Variants in OSCP1 observed in about 807,000 individuals in gnomAD.
OSCP1 encodes protein OSCP1.
In OSCP1, 35 loss-of-function variants were observed where a neutral mutation model predicts 45.1. That is an observed-to-expected ratio of 0.78 (90% CI 0.59 to 1.03). The LOEUF is 1.03. OSCP1 is among the 50% of genes least tolerant of loss of function. The probability of loss-of-function intolerance (pLI) is 0.00; values close to 1 mark genes in which losing one functional copy is unlikely to be tolerated. For missense variants in OSCP1, 400 were observed against 470.7 expected (o/e 0.85, Z 1.39); for synonymous variants, 179 against 180.1 (o/e 0.99, Z 0.05).
Position 36,418,990 on chromosome 1 carries a change from C to A in OSCP1, c.1023+1G>T. 1 of 1,601,844 alleles carries A rather than the reference C, an allele frequency of 6.2e-7. No individual in the cohort carries two copies. The highest frequency in any genetic ancestry group is 8.6e-7 in the Non-Finnish European group (1 of 1,169,190). On this transcript the variant is annotated splice_donor_variant, in intron 9 of 9. Coordinates refer to ENST00000235532, the MANE Select transcript of OSCP1 (RefSeq NM_145047.5). LOFTEE classifies it high-confidence loss of function. ...GACCCTGTGTTATCCCCTGTACGTACCTGGGTGGCTTGTATGTTGATAACT... is the reference window on the plus strand; with the variant it reads ...GACCCTGTGTTATCCCCTGTACGTAACTGGGTGGCTTGTATGTTGATAACT...
At chr1:36,421,915 C>T (rs1173494177) in intron 7 of OSCP1, 1 of 572,600 alleles carries the variant, frequency 1.7e-6, no homozygotes, top group Non-Finnish European at 3.1e-6. Context: ...TGTGGTTCCT[C>T]TTAATTATGG....
At chr1:36,438,253 G>A (rs951206353) in intron 2 of OSCP1, among the ~76,000 whole-genome samples, 2 of 143,990 alleles carry the variant, frequency 1.4e-5, no homozygotes, top group African/African-American at 5.2e-5. Flanking sequence ...GGAGGCGGAC[G>A]TTGTGGTGAG....
intron 2 of OSCP1, among the ~76,000 whole-genome samples, chr1:36,434,190 TAAAC>T (rs987796410): frequency 2.0e-5 from 3 of 152,158 alleles, no homozygotes; most frequent in African/African-American, 7.2e-5. Flanking sequence ...ATTGAAACGA[TAAAC>T]AACTACCATC....
chr1:36,428,538 T>C, intron 4 of OSCP1: 3 of 1,514,080 alleles, frequency 2.0e-6, no homozygotes, highest in Non-Finnish European at 1.8e-6. Context: ...CCAACAAAAT[T>C]AGGTATTATA....
Position 36,450,420 on chromosome 1 carries a change from G to C in OSCP1, c.-51C>G. 1 of 1,478,784 alleles carries C rather than the reference G, an allele frequency of 6.8e-7. No homozygotes were observed. Among genetic ancestry groups the C allele is most frequent in the Non-Finnish European group, 9.4e-7 (1 of 1,059,512 alleles). 91.6% of individuals were successfully genotyped at this position (1,478,784 alleles called of 1,614,324 possible). ...GAAGAGCCCCGGGGTTCGGTAGCCA[G>C]TGGCCTGAAGGCCAGGCCGCAGCGT... On this transcript the variant is annotated 5_prime_UTR_variant, in exon 1 of 10. Coordinates refer to ENST00000235532, the MANE Select transcript of OSCP1 (RefSeq NM_145047.5).
chr1:36,442,079 T>C (rs1398794110), intron 1 of OSCP1, among the ~76,000 whole-genome samples: 1 of 151,894 alleles, frequency 6.6e-6, no homozygotes, highest in East Asian at 1.9e-4. Flanking sequence ...AATACAAAAT[T>C]AGCCAGGCGT....
chr1:36,419,716 T>A (rs1276404012), intron 8 of OSCP1, among the ~76,000 whole-genome samples: 3 of 152,200 alleles, frequency 2.0e-5, no homozygotes, highest in Non-Finnish European at 4.4e-5. Flanking sequence ...TCACTCTGGT[T>A]TCTTAACACA....
chr1:36,439,138 G>A (rs1648958878), intron 1 of OSCP1: 2 of 424,670 alleles, frequency 4.7e-6, no homozygotes, highest in Non-Finnish European at 8.4e-6. Flanking sequence ...TGAAGACAAG[G>A]CACTAATGTG....
At position 36,420,533 on chromosome 1, in the gene OSCP1, G is replaced by A. The variant is rs759486383; in HGVS notation, c.902C>T (p.Pro301Leu). The A allele has an allele frequency of 6.2e-7, 1 of 1,614,010 alleles. No individual in the cohort carries two copies. Among genetic ancestry groups the A allele is most frequent in the South Asian group, 1.1e-5 (1 of 91,076 alleles). ...RLMGGMEIKK[P>L]SGPEPGFRLN... ...CCGGAATCCGGGCTCAGGGCCACTG[G>A]GTTTCTTAATCTCCATCCCTCCCAT... The change falls in exon 8 of 10, where the codon CCC becomes CTC. Residue 301 changes from proline (P) to leucine (L), a missense_variant. Coordinates refer to ENST00000235532, the MANE Select transcript of OSCP1 (RefSeq NM_145047.5).
intron 1 of OSCP1, among the ~76,000 whole-genome samples, chr1:36,442,611 A>G (rs1255545277): frequency 6.6e-6 from 1 of 152,172 alleles, no homozygotes; most frequent in Non-Finnish European, 1.5e-5. Context: ...GTTTTTACCA[A>G]TTACCTCTGC....
intron 9 of OSCP1, chr1:36,418,610 A>G (rs1396314653): frequency 5.9e-6 from 2 of 341,516 alleles, no homozygotes; most frequent in Non-Finnish European, 5.3e-6. Flanking sequence ...TCAACGTTAT[A>G]TAAGATGAGG....
chr1:36,427,299 C>CTTTTTTTTTTTT (rs71053929), intron 4 of OSCP1, among the ~76,000 whole-genome samples: 6,200 of 95,724 alleles, frequency 0.065, 688 homozygotes, highest in Non-Finnish European at 0.083. Context: ...GGCGCCTGGC[C>CTTTTTTTTTTTT]TTTTTTTTTT....
intron 1 of OSCP1, among the ~76,000 whole-genome samples, chr1:36,446,001 T>C (rs59657638): frequency 0.11 from 15,561 of 143,930 alleles, 949 homozygotes; most frequent in East Asian, 0.31. Flanking sequence ...GTGTGAGCCA[T>C]CACACCCGGC....
chr1:36,418,035 A>C lies in OSCP1; in HGVS notation c.*104T>G. 1 of 831,344 alleles carries C rather than the reference A, an allele frequency of 1.2e-6. No individual in the cohort carries two copies. The highest frequency in any genetic ancestry group is 1.9e-6 in the Non-Finnish European group (1 of 520,190). 51.5% of individuals were successfully genotyped at this position (831,344 alleles called of 1,614,324 possible). A position where few individuals can be genotyped will look rare whatever the true frequency, so the allele number is the denominator to read the frequency against. ...AATAAGAAATAGACGTAATGGCTTC[A>C]CTCAGTAGAAAACTAGCAGCATCAT... On this transcript the variant is annotated 3_prime_UTR_variant, in exon 10 of 10. Coordinates refer to ENST00000235532, the MANE Select transcript of OSCP1 (RefSeq NM_145047.5).
intron 1 of OSCP1, chr1:36,441,094 C>T (rs887607631): frequency 2.0e-5 from 3 of 152,224 alleles, no homozygotes; most frequent in Non-Finnish European, 4.4e-5. Context: ...TCTGGAGCAC[C>T]ATGGCTCCTG....
intron 1 of OSCP1, chr1:36,443,932 A>T: frequency 6.6e-7 from 1 of 1,513,718 alleles, no homozygotes; most frequent in Non-Finnish European, 9.1e-7. Context: ...GTCCCATTTT[A>T]AGCCCTGCTG....
intron 9 of OSCP1, 35 bp downstream of exon 9, chr1:36,418,956 A>T (rs377264747): frequency 6.6e-7 from 1 of 1,508,952 alleles, no homozygotes; most frequent in African/African-American, 1.4e-5. Context: ...GAGGAAGCGA[A>T]TACGATTGGA....
At chr1:36,418,429 A>G in intron 9 of OSCP1, 174 bp from the exon 10 acceptor site, 2 of 620,086 alleles carry the variant, frequency 3.2e-6, no homozygotes, top group Non-Finnish European at 5.7e-6. Flanking sequence ...GAGGGTCTAT[A>G]TATTTTTTTT....
intron 2 of OSCP1, 118 bp from the exon 3 acceptor site, chr1:36,432,707 C>T (rs1648455421): frequency 1.1e-5 from 13 of 1,141,230 alleles, no homozygotes; most frequent in Non-Finnish European, 1.7e-5. Flanking sequence ...TGCCATACAG[C>T]TCGGGGGACC....
Sources: allele counts gnomAD v4.1 joint callset (sites outside exome capture counted in the v4.1 genomes callset), GRCh38; gene constraint gnomAD v4.1.1; transcripts MANE v1.5; gene names NCBI Gene and HGNC (gene_info 2026-07-23, HGNC 2026-07-21).